MAPKAP1: variants seen among roughly 807,000 people sequenced by gnomAD.
MAPKAP1 encodes MAPK associated protein 1, also known as target of rapamycin complex 2 subunit MAPKAP1.
Under a neutral mutation model 65.7 loss-of-function variants are expected in MAPKAP1, and 20 were observed. The ratio of observed to expected loss-of-function variants is 0.30; its 90% CI spans 0.21 to 0.44. The LOEUF (loss-of-function observed/expected upper bound fraction) is 0.44. Ranked by LOEUF, MAPKAP1 falls within the 20% of genes least tolerant of loss-of-function variation. MAPKAP1 has a pLI of 1.00. For synonymous variants in MAPKAP1, 222 were observed against 244.3 expected (o/e 0.91, Z 0.85); for missense variants, 423 against 648.0 (o/e 0.65, Z 3.77).
chr9:125,474,829 A>G (rs1488302422), intron 9 of MAPKAP1, among the ~76,000 whole-genome samples: 1 of 152,212 alleles, frequency 6.6e-6, no homozygotes, highest in Non-Finnish European at 1.5e-5. Flanking sequence ...AGGCTACAAA[A>G]GTCCCACTGC....
At position 125,437,685 on chromosome 9, in the gene MAPKAP1, T is replaced by TA. The variant is rs1278390955; in HGVS notation, c.*1201dup. ...TACACTCAGCTTTAAGATGCTGTTT[T>TA]AGACACATCTCTTCCTGTACAACAA... is the stretch of plus-strand genomic sequence containing the variant. On this transcript the variant is annotated 3_prime_UTR_variant, in exon 12 of 12. Coordinates refer to ENST00000265960, the MANE Select transcript of MAPKAP1 (RefSeq NM_001006617.3). 6.6e-6 allele frequency: 1 copy of TA among 152,564 alleles called. No homozygotes were observed. Among genetic ancestry groups the TA allele is most frequent in the East Asian group, 1.9e-4 (1 of 5,204 alleles). The allele number at this position is 152,564 out of a possible 1,614,324, so 9.5% of individuals were successfully genotyped here.
intron 8 of MAPKAP1, among the ~76,000 whole-genome samples, chr9:125,496,279 G>C (rs1248668623): frequency 6.6e-6 from 1 of 152,228 alleles, no homozygotes; most frequent in Non-Finnish European, 1.5e-5. Flanking sequence ...GCAGCAAACA[G>C]GGAGCTATTA....
In MAPKAP1 at chr9:125,439,860, C is replaced by T. The variant is rs78145426; in HGVS notation, c.1444-848G>A. Among the ~76,000 whole-genome samples the T allele has an allele frequency of 0.038, 5,855 of 152,314 alleles. 381 individuals carry two copies. Among genetic ancestry groups the T allele is most frequent in the African/African-American group, 0.13 (5,525 of 41,536 alleles). Reference sequence around the variant, plus strand: ...TCCAGCAGCAGAACCAGCACTGCAGCAGGCAAAGAGGAGCATCAAGGAATG... The same window carrying T: ...TCCAGCAGCAGAACCAGCACTGCAGTAGGCAAAGAGGAGCATCAAGGAATG... On this transcript the variant is annotated intron_variant, in intron 11 of 11. Coordinates refer to ENST00000265960, the MANE Select transcript of MAPKAP1 (RefSeq NM_001006617.3). This position sits in a 1 kb window ranked among gnomAD's most constrained non-coding sequence, Gnocchi z 4.0.
In MAPKAP1 at chr9:125,580,659, A is replaced by G. The variant is rs189848824; in HGVS notation, c.671+4896T>C. On this transcript the variant is annotated intron_variant, in intron 5 of 11. Coordinates refer to ENST00000265960, the MANE Select transcript of MAPKAP1 (RefSeq NM_001006617.3). ...TGTAACAAACCTGCACGTTGTGCAC[A>G]TGTACCCTAGAACTTAAAAGTATAA... Among the ~76,000 whole-genome samples the G allele has an allele frequency of 1.8e-3, 261 of 147,688 alleles. 1 individual carries two copies. Among genetic ancestry groups the G allele is most frequent in the African/African-American group, 6.2e-3 (250 of 40,534 alleles).
At chr9:125,656,320 C>T (rs189312788) in intron 4 of MAPKAP1, among the ~76,000 whole-genome samples, 230 of 152,240 alleles carry the variant, frequency 1.5e-3, no homozygotes, top group Middle Eastern at 6.8e-3. Flanking sequence ...ATGCTACATT[C>T]CACAAAACAG....
At chr9:125,458,561 G>A (rs974171154) in intron 10 of MAPKAP1, among the ~76,000 whole-genome samples, 1 of 151,958 alleles carries the variant, frequency 6.6e-6, no homozygotes, top group Non-Finnish European at 1.5e-5. Context: ...AGGATCCCAA[G>A]GCAGAAGAAT....
chr9:125,464,189 C>T (rs940990718), intron 10 of MAPKAP1, among the ~76,000 whole-genome samples: 3 of 122,316 alleles, frequency 2.5e-5, no homozygotes, highest in African/African-American at 6.2e-5. Flanking sequence ...CACAGTGAGA[C>T]CCTGTCTCAT....
chr9:125,689,436 GAAAAAAAAAAAA>G lies in MAPKAP1; in HGVS notation c.-69-16805_-69-16794del, dbSNP rs911746619. 1.4e-3 allele frequency among the ~76,000 whole-genome samples: 22 copies of G among 15,270 alleles called. 1 individual carries two copies. Among genetic ancestry groups the G allele is most frequent in the African/African-American group, 2.1e-3 (10 of 4,706 alleles). The allele number at this position is 15,270 out of a possible 152,430, so 10.0% of individuals were successfully genotyped here. The stretch of plus-strand genomic sequence containing the variant: ...GGCGACAGAGTGAGACTCCATCTCG[GAAAAAAAAAAAA>G]AAAAAAAAAAAAAACAGGCCAGGCA... On this transcript the variant is annotated intron_variant, in intron 1 of 11. Transcript: ENST00000265960.
intron 3 of MAPKAP1, among the ~76,000 whole-genome samples, chr9:125,658,234 A>G (rs908193869): frequency 6.6e-6 from 1 of 152,076 alleles, no homozygotes; most frequent in African/African-American, 2.4e-5. Context: ...TAGTTCTTCA[A>G]GGTCAAGATC....
At chr9:125,488,006 T>TA (rs1564528246) in intron 8 of MAPKAP1, among the ~76,000 whole-genome samples, 1 of 152,236 alleles carries the variant, frequency 6.6e-6, no homozygotes, top group Non-Finnish European at 1.5e-5. Context: ...GTAGAGGTCT[T>TA]AAAGCTATGA....
intron 10 of MAPKAP1, among the ~76,000 whole-genome samples, chr9:125,458,485 T>C (rs1378839754): frequency 1.3e-5 from 2 of 152,060 alleles, no homozygotes; most frequent in Admixed American, 6.5e-5. Flanking sequence ...TTAATCCATT[T>C]AACCCTGAGT....
At chr9:125,540,446 T>C (rs1830209220) in intron 7 of MAPKAP1, among the ~76,000 whole-genome samples, 1 of 152,270 alleles carries the variant, frequency 6.6e-6, no homozygotes, top group South Asian at 2.1e-4. Context: ...GAAATCTTGT[T>C]GTAGCACAAC....
chr9:125,504,294 C>A (rs1364147946), intron 8 of MAPKAP1, among the ~76,000 whole-genome samples: 1 of 151,994 alleles, frequency 6.6e-6, no homozygotes, highest in African/African-American at 2.4e-5. Flanking sequence ...ATTTTTTGGA[C>A]CATTTGGGAA....
At position 125,492,963 on chromosome 9, in the gene MAPKAP1, A is replaced by T. The variant is rs187714170; in HGVS notation, c.1067-8380T>A. On this transcript the variant is annotated intron_variant, in intron 8 of 11. Coordinates refer to ENST00000265960, the MANE Select transcript of MAPKAP1 (RefSeq NM_001006617.3). ...GGCAGTGTTCCCAGATGATGAAAGG[A>T]GGACAGGCAATCCATGGAGGAATAT... 2.9e-4 allele frequency among the ~76,000 whole-genome samples: 44 copies of T among 152,308 alleles called. No individual in the cohort carries two copies. In the Middle Eastern group the frequency reaches 0.017, roughly 59 times the overall value.
intron 10 of MAPKAP1, among the ~76,000 whole-genome samples, chr9:125,466,703 C>T (rs555199440): frequency 6.6e-6 from 1 of 152,122 alleles, no homozygotes; most frequent in Non-Finnish European, 1.5e-5. Context: ...TTTGCAGGGT[C>T]GGAGGCCTCG....
At chr9:125,477,169 T>C (rs756639215) in intron 9 of MAPKAP1, among the ~76,000 whole-genome samples, 4 of 152,208 alleles carry the variant, frequency 2.6e-5, no homozygotes, top group Non-Finnish European at 2.9e-5. Context: ...ACTCTGTATA[T>C]CTTATACAGA....
intron 4 of MAPKAP1, among the ~76,000 whole-genome samples, chr9:125,633,821 A>G (rs770167008): frequency 8.5e-5 from 13 of 152,194 alleles, no homozygotes; most frequent in Non-Finnish European, 1.5e-4. Flanking sequence ...TAGGATGTGC[A>G]CTTTTCAGCT....
chr9:125,698,093 T>C (rs1835438192), intron 1 of MAPKAP1, among the ~76,000 whole-genome samples: 1 of 151,384 alleles, frequency 6.6e-6, no homozygotes, highest in Admixed American at 6.6e-5. Flanking sequence ...TTTTCAGTAC[T>C]CTGAGTCAAA....
chr9:125,656,272 G>A (rs1248428309), intron 4 of MAPKAP1, among the ~76,000 whole-genome samples: 2 of 151,974 alleles, frequency 1.3e-5, no homozygotes, highest in Non-Finnish European at 2.9e-5. Flanking sequence ...ATTTTCCAGA[G>A]GCTGACATTC....
Sources: gnomAD v4.1 joint callset for allele counts (sites outside exome capture counted in the v4.1 genomes callset) on GRCh38, gnomAD v4.1.1 for gene constraint, Gnocchi (gnomAD v3.1) non-coding constraint, MANE v1.5 for transcripts, NCBI Gene and HGNC (gene_info 2026-07-23, HGNC 2026-07-21) for gene names.